The following EDIL3 variants were observed in gnomAD, a reference collection of about 807,000 sequenced individuals.
EDIL3 encodes EGF like and discoidin domains 3, also known as EGF-like repeat and discoidin I-like domain-containing protein 3.
A neutral mutation model predicts 67.4 loss-of-function variants in EDIL3; 37 were observed. The observed-to-expected ratio is 0.55, with a 90% confidence interval of 0.42 to 0.72. EDIL3 has a LOEUF of 0.72. Among genes scored for constraint, EDIL3 ranks in the 30% least tolerant of loss-of-function variants. The probability of loss-of-function intolerance (pLI) is 0.00; values close to 1 mark genes in which losing one functional copy is unlikely to be tolerated. For missense variants in EDIL3, 527 were observed against 586.3 expected, an observed-to-expected ratio of 0.90 and a Z score of 1.04; for synonymous variants, 195 against 196.3, an observed-to-expected ratio of 0.99 and a Z score of 0.05.
chr5:84,076,151 C>A (rs1311556183), intron 6 of EDIL3, among the ~76,000 whole-genome samples: 4 of 151,828 alleles, frequency 2.6e-5, no homozygotes, highest in African/African-American at 9.7e-5. Context: ...TATCAAATCT[C>A]TTTCAAATCT....
chr5:84,097,336 G>T (rs993471157), intron 6 of EDIL3, among the ~76,000 whole-genome samples: 4 of 152,048 alleles, frequency 2.6e-5, no homozygotes, highest in African/African-American at 7.2e-5. Flanking sequence ...CATTGCCCTA[G>T]TATTATACTA....
At chr5:84,189,320 G>T (rs1435573936) in intron 3 of EDIL3, among the ~76,000 whole-genome samples, 1 of 151,792 alleles carries the variant, frequency 6.6e-6, no homozygotes, top group Non-Finnish European at 1.5e-5. Context: ...ATTTCCTGGG[G>T]TTAATCTTCA....
intron 6 of EDIL3, among the ~76,000 whole-genome samples, chr5:84,073,885 G>A (rs866504381): frequency 2.4e-4 from 36 of 151,944 alleles, no homozygotes; most frequent in African/African-American, 8.7e-4. Context: ...AGCCTGCATT[G>A]CCAAGTCAAT....
intron 2 of EDIL3, among the ~76,000 whole-genome samples, chr5:84,246,838 T>C (rs1269793403): frequency 6.6e-6 from 1 of 152,194 alleles, no homozygotes; most frequent in Non-Finnish European, 1.5e-5. Context: ...AGAAATATTT[T>C]TACATCAATA....
intron 2 of EDIL3, among the ~76,000 whole-genome samples, chr5:84,241,452 C>T (rs894596804): frequency 1.3e-5 from 2 of 152,122 alleles, no homozygotes; most frequent in Admixed American, 1.3e-4. Context: ...AAAATCAATT[C>T]ATAACTTATT....
intron 9 of EDIL3, among the ~76,000 whole-genome samples, chr5:84,011,551 G>T (rs148311592): frequency 6.6e-6 from 1 of 152,172 alleles, no homozygotes; most frequent in East Asian, 1.9e-4. Flanking sequence ...ACAAGTTCAG[G>T]TTACTTCTTC....
intron 9 of EDIL3, among the ~76,000 whole-genome samples, chr5:84,016,560 T>A (rs1745610575): frequency 6.6e-6 from 1 of 152,168 alleles, no homozygotes; most frequent in Non-Finnish European, 1.5e-5. Context: ...TGATATGATG[T>A]GGAAAATTCC....
chr5:84,225,195 C>G (rs1475466182), intron 3 of EDIL3, among the ~76,000 whole-genome samples: 1 of 151,568 alleles, frequency 6.6e-6, no homozygotes, highest in Admixed American at 6.6e-5. Context: ...AAGTGATTAA[C>G]AAGCCAATGC....
At chr5:84,306,543 C>T (rs770803501) in intron 1 of EDIL3, among the ~76,000 whole-genome samples, 5 of 152,172 alleles carry the variant, frequency 3.3e-5, no homozygotes, top group Non-Finnish European at 5.9e-5. Flanking sequence ...TTAACTACCA[C>T]TGTTTCTTGA....
At chr5:84,271,111 C>A (rs901710183) in intron 1 of EDIL3, among the ~76,000 whole-genome samples, 7 of 152,102 alleles carry the variant, frequency 4.6e-5, no homozygotes, top group African/African-American at 1.7e-4. Context: ...GAGAAATAGA[C>A]CTAATTGACC....
Position 83,993,262 on chromosome 5 carries a change from T to G in EDIL3, c.1138-29902A>C, listed in dbSNP as rs138397919. Among the ~76,000 whole-genome samples the G allele has an allele frequency of 1.6e-3, 246 of 152,284 alleles. 1 individual carries two copies. The highest frequency in any genetic ancestry group is 5.5e-3 in the African/African-American group (230 of 41,556). The stretch of plus-strand genomic sequence containing the variant: ...AACACAGCTCACTGCACCCTCGACC[T>G]CCTCGGCTCAGTTGATCATCCTACC... On this transcript the variant is annotated intron_variant, in intron 9 of 10. Coordinates refer to ENST00000296591, the MANE Select transcript of EDIL3 (RefSeq NM_005711.5).
chr5:84,377,764 C>T (rs572907157), intron 1 of EDIL3, among the ~76,000 whole-genome samples: 62 of 152,144 alleles, frequency 4.1e-4, no homozygotes, highest in Non-Finnish European at 7.6e-4. Flanking sequence ...TTTAAGAGAT[C>T]AATCATTTTG....
chr5:83,975,046 C>A (rs1045999727), intron 9 of EDIL3, among the ~76,000 whole-genome samples: 44 of 151,908 alleles, frequency 2.9e-4, no homozygotes, highest in African/African-American at 9.9e-4. Context: ...TCCTACAGTA[C>A]GATGTGGCCT....
intron 1 of EDIL3, among the ~76,000 whole-genome samples, chr5:84,324,555 C>A (rs935964660): frequency 6.6e-6 from 1 of 150,752 alleles, no homozygotes; most frequent in Admixed American, 6.6e-5. Flanking sequence ...AAGCAGGAAA[C>A]AGTAAAGGTT....
Position 84,265,473 on chromosome 5 carries a change from GA to G in EDIL3, c.68-11262del, listed in dbSNP as rs778156785. On this transcript the variant is annotated intron_variant, in intron 1 of 10. Transcript: ENST00000296591. ...GTCAATAGACAGCTAGTTAACTTTG[GA>G]AAAGAAATCATATTTTAAAAGTCAG... Among the ~76,000 whole-genome samples the G allele has an allele frequency of 3.9e-5, 6 of 152,116 alleles. No individual in the cohort carries two copies. In the East Asian group the frequency reaches 9.6e-4, roughly 24 times the overall value.
intron 9 of EDIL3, among the ~76,000 whole-genome samples, chr5:84,020,076 C>CAAAAAA (rs9293362): frequency 0.012 from 1,567 of 128,234 alleles, 39 homozygotes; most frequent in African/African-American, 0.024. Context: ...ATCTTTTGTA[C>CAAAAAA]AAAAAAAAAA....
intron 9 of EDIL3, among the ~76,000 whole-genome samples, chr5:84,040,427 T>C (rs1247165979): frequency 6.6e-6 from 1 of 151,636 alleles, no homozygotes; most frequent in Non-Finnish European, 1.5e-5. Context: ...TCTGTTATTG[T>C]GTTACATATA....
At chr5:84,208,322 G>T (rs944412923) in intron 3 of EDIL3, among the ~76,000 whole-genome samples, 8 of 152,146 alleles carry the variant, frequency 5.3e-5, no homozygotes, top group African/African-American at 1.9e-4. Context: ...GGCCATCAGA[G>T]AAATGCAAAT....
intron 1 of EDIL3, among the ~76,000 whole-genome samples, chr5:84,273,385 C>T (rs1745513339): frequency 6.6e-6 from 1 of 152,140 alleles, no homozygotes; most frequent in Non-Finnish European, 1.5e-5. Context: ...ATAATGAACC[C>T]TGTCAGACTC....
Sources: gnomAD v4.1 joint callset for allele counts (sites outside exome capture counted in the v4.1 genomes callset) on GRCh38, gnomAD v4.1.1 for gene constraint, MANE v1.5 for transcripts, NCBI Gene and HGNC (gene_info 2026-07-23, HGNC 2026-07-21) for gene names.